The following WBP2NL variants were observed in gnomAD, a reference collection of about 807,000 sequenced individuals.
The protein encoded by WBP2NL is WBP2 N-terminal like.
Under a neutral mutation model 23.3 loss-of-function variants are expected in WBP2NL, and 27 were observed. That is an observed-to-expected ratio of 1.16 (90% confidence interval 0.85 to 1.60). WBP2NL has a LOEUF of 1.60. Among genes scored for constraint, WBP2NL ranks in the 40% most tolerant of loss-of-function variants. The probability of loss-of-function intolerance (pLI) is 0.00; values close to 1 mark genes in which losing one functional copy is unlikely to be tolerated. For missense variants in WBP2NL, 370 were observed against 389.5 expected (o/e 0.95, Z 0.42); for synonymous variants, 151 against 145.9 (o/e 1.03, Z -0.25).
downstream of WBP2NL, among the ~76,000 whole-genome samples, chr22:42,035,816 T>G (rs1261108151): frequency 6.6e-6 from 1 of 152,098 alleles, no homozygotes; most frequent in Non-Finnish European, 1.5e-5. Context: ...ATCCTCCATT[T>G]CCCCCTCTTC....
intron 8 of WBP2NL, among the ~76,000 whole-genome samples, chr22:42,038,707 A>C (rs1303795390): frequency 1.3e-5 from 2 of 151,958 alleles, no homozygotes; most frequent in African/African-American, 2.4e-5. Context: ...GGTTCACGCC[A>C]TTCTCCTGCC....
intron 1 of WBP2NL, among the ~76,000 whole-genome samples, chr22:42,008,349 A>G (rs6002572): frequency 4.5e-4 from 68 of 151,800 alleles, no homozygotes; most frequent in African/African-American, 1.5e-3. Context: ...AGCCAGGATT[A>G]CAAGCATATG....
chr22:42,040,411 C>T (rs1353643086), intron 8 of WBP2NL, among the ~76,000 whole-genome samples: 1 of 152,038 alleles, frequency 6.6e-6, no homozygotes, highest in Non-Finnish European at 1.5e-5. Flanking sequence ...TTAGTAGAGA[C>T]GAGGTTTCAC....
intron 8 of WBP2NL, among the ~76,000 whole-genome samples, chr22:42,054,828 G>C (rs1432728465): frequency 6.6e-6 from 1 of 151,994 alleles, no homozygotes; most frequent in East Asian, 1.9e-4. Flanking sequence ...GTTTAAGCCT[G>C]CACTGAGCTA....
intron 1 of WBP2NL, among the ~76,000 whole-genome samples, chr22:42,004,634 G>C (rs771707890): frequency 1.8e-4 from 28 of 152,140 alleles, no homozygotes; most frequent in Non-Finnish European, 3.7e-4. Context: ...TGTTAAAGAC[G>C]AAGCCTGGGC....
intron 1 of WBP2NL, among the ~76,000 whole-genome samples, chr22:42,000,748 G>A (rs1310294809): frequency 2.8e-5 from 4 of 141,912 alleles, no homozygotes; most frequent in African/African-American, 7.8e-5. Flanking sequence ...CCAATATGTT[G>A]AAACCCCATC....
chr22:42,036,606 C>T (rs1925191614), downstream of WBP2NL, among the ~76,000 whole-genome samples: 1 of 152,122 alleles, frequency 6.6e-6, no homozygotes, highest in East Asian at 1.9e-4. Context: ...TATCTTTTAT[C>T]TTTTTGATAA....
At chr22:42,046,723 T>G (rs1028250836) in intron 8 of WBP2NL, among the ~76,000 whole-genome samples, 66 of 152,370 alleles carry the variant, frequency 4.3e-4, no homozygotes, top group African/African-American at 1.5e-3. Context: ...CTCAGTGATG[T>G]ACTATTCTGA....
At chr22:42,033,146 A>G (rs921029840), downstream of WBP2NL, among the ~76,000 whole-genome samples, 3 of 151,988 alleles carry the variant, frequency 2.0e-5, no homozygotes, top group Non-Finnish European at 2.9e-5. Flanking sequence ...GGGTCTGGCT[A>G]TTTTTCAGTC....
At chr22:42,056,214 C>T (rs1483098763) in intron 8 of WBP2NL, among the ~76,000 whole-genome samples, 1 of 151,848 alleles carries the variant, frequency 6.6e-6, no homozygotes, top group African/African-American at 2.4e-5. Flanking sequence ...TAGGGATTAC[C>T]ATTAACATCT....
At chr22:42,022,222 C>T in intron 4 of WBP2NL, 27 bp from the exon 5 acceptor site, 1 of 1,591,840 alleles carries the variant, frequency 6.3e-7, no homozygotes, top group Non-Finnish European at 8.6e-7. Context: ...TAAAAGAGTT[C>T]CTATTTTGCC....
intron 1 of WBP2NL, among the ~76,000 whole-genome samples, chr22:42,012,125 T>C (rs1369403358): frequency 6.6e-6 from 1 of 152,200 alleles, no homozygotes; most frequent in Non-Finnish European, 1.5e-5. Flanking sequence ...AGTTGAGACT[T>C]CTCTCTTTTT....
At chr22:42,038,196 T>G (rs1177134018) in intron 8 of WBP2NL, among the ~76,000 whole-genome samples, 1 of 152,258 alleles carries the variant, frequency 6.6e-6, no homozygotes, top group Non-Finnish European at 1.5e-5. Context: ...GGATGTTGAC[T>G]TTTGTCAAAT....
chr22:42,022,433 T>C (rs1924066729), intron 5 of WBP2NL, 77 bp downstream of exon 5: 1 of 1,288,996 alleles, frequency 7.8e-7, no homozygotes, highest in African/African-American at 1.5e-5. Context: ...CCTTGCAGGC[T>C]TGCTCCCTGC....
chr22:42,051,452 AC>A (rs1331640777), intron 8 of WBP2NL, among the ~76,000 whole-genome samples: 2 of 152,206 alleles, frequency 1.3e-5, no homozygotes, highest in East Asian at 3.8e-4. Context: ...ATTAGTGAAA[AC>A]CCAGTGAATG....
At chr22:42,024,803 CTTT>C (rs133345) in intron 5 of WBP2NL, among the ~76,000 whole-genome samples, 21 of 124,878 alleles carry the variant, frequency 1.7e-4, no homozygotes, top group African/African-American at 2.6e-4. Context: ...TTGATAATGA[CTTT>C]TTTTTTTTTT....
At chr22:42,045,116 C>T (rs181587274) in intron 8 of WBP2NL, among the ~76,000 whole-genome samples, 278 of 152,204 alleles carry the variant, frequency 1.8e-3, no homozygotes, top group Admixed American at 4.7e-3. Flanking sequence ...GAAGCATAAG[C>T]CACTATGCCC....
chr22:42,018,678 C>G (rs1923575730), intron 1 of WBP2NL, among the ~76,000 whole-genome samples: 1 of 151,998 alleles, frequency 6.6e-6, no homozygotes, highest in South Asian at 2.1e-4. Context: ...GTCAAAGAAC[C>G]ATTTCTATTA....
rs557996380 is a variant in WBP2NL, at chr22:42,006,721, T to C, written c.62+7841T>C. Reference sequence around the variant, plus strand: ...TTGGAACTTATGTTGAGAAATAAGGTTTATGTTTTTATCTTTTAATTCCAT... The same window carrying C: ...TTGGAACTTATGTTGAGAAATAAGGCTTATGTTTTTATCTTTTAATTCCAT... On this transcript the variant is annotated intron_variant, in intron 1 of 5. Transcript: ENST00000328823. Among the ~76,000 whole-genome samples the C allele has an allele frequency of 2.0e-5, 3 of 152,300 alleles. No homozygotes were observed. The East Asian group carries it at 5.8e-4, about 29-fold the overall frequency.
Sources: allele counts gnomAD v4.1 joint callset (sites outside exome capture counted in the v4.1 genomes callset), GRCh38; gene constraint gnomAD v4.1.1; transcripts MANE v1.5; gene names NCBI Gene and HGNC (gene_info 2026-07-23, HGNC 2026-07-21).